ANXA3: variants seen among roughly 807,000 people sequenced by gnomAD.
ANXA3 encodes the protein annexin A3.
In ANXA3, 46 loss-of-function variants were observed where a neutral mutation model predicts 48.8. The ratio of observed to expected loss-of-function variants is 0.94; its 90% CI spans 0.74 to 1.21. The LOEUF (loss-of-function observed/expected upper bound fraction) is 1.21, where lower values mean the gene tolerates loss of function less well. ANXA3 is among the 50% of genes most tolerant of loss of function. The pLI, the probability that ANXA3 is intolerant of heterozygous loss-of-function variation, is 0.00. For synonymous variants in ANXA3, 128 were observed against 134.7 expected (o/e 0.95, Z 0.35); for missense variants, 383 against 378.6 (o/e 1.01, Z -0.10).
chr4:78,604,406 C>T lies in ANXA3; in HGVS notation c.912+7C>T, dbSNP rs750508422. ...CCTATATTCAGCAATTAAAGTAAGT[C>T]TACTTTTAAAAATAGCAAAACATAT... On this transcript the variant is annotated splice_region_variant and intron_variant, in intron 12 of 12. Transcript: ENST00000264908. The T allele has an allele frequency of 1.2e-5, 20 of 1,606,124 alleles. No individual in the cohort carries two copies. The highest frequency in any genetic ancestry group is 1.7e-5 in the Non-Finnish European group (20 of 1,174,492).
intron 7 of ANXA3, among the ~76,000 whole-genome samples, chr4:78,595,100 A>G (rs1299562091): frequency 6.6e-6 from 1 of 152,218 alleles, no homozygotes; most frequent in Non-Finnish European, 1.5e-5. Context: ...CTGCAGGACT[A>G]CACTCTGGCC....
rs1025565934 is a variant in ANXA3 at position 78,578,308 on chromosome 4, A to C, written c.104-719A>C. Among the ~76,000 whole-genome samples, 176 of 105,784 alleles carry C rather than the reference A, an allele frequency of 1.7e-3. 4 individuals are homozygous for C. The highest frequency in any genetic ancestry group is 5.6e-3 in the African/African-American group (157 of 27,858). 69.4% of individuals were successfully genotyped at this position (105,784 alleles called of 152,430 possible). Reference sequence around the variant, plus strand: ...AGGGGAGAGAGAGAGCGAGAGAGAGAGAGAGAGAGAGAGAGAGAGAGAAAG... The same window carrying C: ...AGGGGAGAGAGAGAGCGAGAGAGAGCGAGAGAGAGAGAGAGAGAGAGAAAG... On this transcript the variant is annotated intron_variant, in intron 3 of 12. Transcript: ENST00000264908.
chr4:78,600,958 AT>A (rs1277292947), intron 10 of ANXA3, among the ~76,000 whole-genome samples: 2 of 152,082 alleles, frequency 1.3e-5, no homozygotes, highest in Non-Finnish European at 2.9e-5. Flanking sequence ...AGGCAACTGA[AT>A]TTAGATGACA....
rs755358745 is a variant in ANXA3 at position 78,582,261 on chromosome 4, G to T, written c.283G>T (p.Asp95Tyr). The T allele has an allele frequency of 3.5e-5, 56 of 1,613,254 alleles. No homozygotes were observed. Among genetic ancestry groups the T allele is most frequent in the Non-Finnish European group, 4.7e-5 (56 of 1,179,322 alleles). ...VALVTPPAVF[D>Y]AKQLKKSMKG... ...CCTAGTGACTCCACCAGCAGTCTTT[G>T]ATGCAAAGCAGCTAAAGAAATCCAT... is the stretch of plus-strand genomic sequence containing the variant. Residue 95 changes from aspartate (D) to tyrosine (Y), a missense_variant, in exon 5 of 13, where the codon GAT becomes TAT. By Grantham distance (160) the Asp-to-Tyr change is radical. Transcript: ENST00000264908.
chr4:78,582,371 G>A, intron 5 of ANXA3, 81 bp downstream of exon 5: 2 of 896,088 alleles, frequency 2.2e-6, no homozygotes, highest in Non-Finnish European at 1.8e-6. Flanking sequence ...GTGCACACTT[G>A]TGATGGGTGG....
chr4:78,569,194 A>G (rs1459223559), intron 2 of ANXA3, among the ~76,000 whole-genome samples: 1 of 152,162 alleles, frequency 6.6e-6, no homozygotes, highest in Non-Finnish European at 1.5e-5. Context: ...AGGCATCTGA[A>G]GGTCAAGTTT....
intron 12 of ANXA3, among the ~76,000 whole-genome samples, chr4:78,605,344 C>A (rs1411045824): frequency 6.6e-6 from 1 of 152,146 alleles, no homozygotes; most frequent in Non-Finnish European, 1.5e-5. Flanking sequence ...TTGTAATATA[C>A]ATTTTTCTTA....
chr4:78,588,045 G>C (rs190519630), intron 6 of ANXA3, among the ~76,000 whole-genome samples: 1 of 152,130 alleles, frequency 6.6e-6, no homozygotes, highest in African/African-American at 2.4e-5. Flanking sequence ...ACAGTGAGCC[G>C]AGATGGTGCC....
At chr4:78,554,051 G>A in intron 1 of ANXA3, 1 of 163,248 alleles carries the variant, frequency 6.1e-6, no homozygotes, top group Non-Finnish European at 1.3e-5. Flanking sequence ...ATTTGGTGAG[G>A]AGGAGTAAAA....
rs186927161 is a variant in ANXA3 at position 78,594,245 on chromosome 4, G to C, written c.484-1136G>C. On this transcript the variant is annotated intron_variant, in intron 7 of 12. Coordinates refer to ENST00000264908, the MANE Select transcript of ANXA3 (RefSeq NM_005139.3). ...TGGCTTGATAGCTCATTTCTTTTTA[G>C]TACTGAGTAGTATTCCATTGTATAG... Among the ~76,000 whole-genome samples, 223 of 152,216 alleles carry C rather than the reference G, an allele frequency of 1.5e-3. 1 individual carries two copies. Among genetic ancestry groups the C allele is most frequent in the African/African-American group, 5.2e-3 (218 of 41,536 alleles).
At chr4:78,566,669 G>T (rs1722738581) in intron 2 of ANXA3, among the ~76,000 whole-genome samples, 1 of 149,134 alleles carries the variant, frequency 6.7e-6, no homozygotes, top group Admixed American at 6.7e-5. Context: ...CAAAAGGTGG[G>T]AGGGTGGGAG....
At chr4:78,606,924 T>C (rs1430305543) in intron 12 of ANXA3, among the ~76,000 whole-genome samples, 1 of 152,174 alleles carries the variant, frequency 6.6e-6, no homozygotes, top group Non-Finnish European at 1.5e-5. Context: ...TCCTGACACA[T>C]CACAATAGTT....
intron 3 of ANXA3, among the ~76,000 whole-genome samples, chr4:78,575,393 G>C (rs1367228044): frequency 1.3e-5 from 2 of 151,934 alleles, no homozygotes; most frequent in Non-Finnish European, 2.9e-5. Flanking sequence ...CCCACGTGTT[G>C]TGGGAGGGAC....
chr4:78,560,833 C>T (rs1301081262), intron 2 of ANXA3, among the ~76,000 whole-genome samples: 2 of 152,130 alleles, frequency 1.3e-5, no homozygotes, highest in Non-Finnish European at 2.9e-5. Flanking sequence ...AGCTCTATGC[C>T]AAGAACCAGT....
chr4:78,605,305 G>A (rs138414145), intron 12 of ANXA3, among the ~76,000 whole-genome samples: 1 of 152,098 alleles, frequency 6.6e-6, no homozygotes, highest in African/African-American at 2.4e-5. Context: ...TTCATAATCT[G>A]ATAGGTGAGG....
At chr4:78,607,600 C>T (rs1207536726) in intron 12 of ANXA3, among the ~76,000 whole-genome samples, 1 of 152,066 alleles carries the variant, frequency 6.6e-6, no homozygotes, top group Non-Finnish European at 1.5e-5. Context: ...TAGCACAATT[C>T]CAAGCTTTTT....
intron 12 of ANXA3, among the ~76,000 whole-genome samples, chr4:78,609,138 C>G (rs1470131848): frequency 6.6e-6 from 1 of 152,162 alleles, no homozygotes; most frequent in Non-Finnish European, 1.5e-5. Flanking sequence ...CCTATTGTGT[C>G]TTACTATGAA....
At chr4:78,600,593 A>C (rs1190763791) in intron 10 of ANXA3, among the ~76,000 whole-genome samples, 1 of 152,146 alleles carries the variant, frequency 6.6e-6, no homozygotes, top group African/African-American at 2.4e-5. Flanking sequence ...TTTCTAATAC[A>C]TTTCTCCTTC....
intron 4 of ANXA3, among the ~76,000 whole-genome samples, chr4:78,579,669 A>G (rs1723033701): frequency 6.6e-6 from 1 of 152,252 alleles, no homozygotes; most frequent in Non-Finnish European, 1.5e-5. Flanking sequence ...CAGAAACTAT[A>G]TAAGAACAAG....
Sources: gnomAD v4.1 joint callset for allele counts (sites outside exome capture counted in the v4.1 genomes callset) on GRCh38, gnomAD v4.1.1 for gene constraint, MANE v1.5 for transcripts, NCBI Gene and HGNC (gene_info 2026-07-23, HGNC 2026-07-21) for gene names.